Variants in INPP5K observed in about 807,000 individuals in gnomAD.
INPP5K encodes inositol polyphosphate 5-phosphatase K.
A neutral mutation model predicts 53.5 loss-of-function variants in INPP5K; 35 were observed. The ratio of observed to expected loss-of-function variants is 0.65; its 90% CI spans 0.50 to 0.87. The LOEUF is 0.87. Ranked by LOEUF, INPP5K falls within the 40% of genes least tolerant of loss-of-function variation. The pLI is 0.00. For synonymous variants in INPP5K, 253 were observed against 232.8 expected (o/e 1.09, Z -0.79); for missense variants, 550 against 586.2 (o/e 0.94, Z 0.64).
intron 7 of INPP5K, among the ~76,000 whole-genome samples, chr17:1,498,928 T>A (rs1310037062): frequency 6.6e-6 from 1 of 152,170 alleles, no homozygotes; most frequent in African/African-American, 2.4e-5. Flanking sequence ...GTGGAGAAAC[T>A]GAGACTTAGC....
intron 7 of INPP5K, among the ~76,000 whole-genome samples, chr17:1,506,064 C>T (rs576444384): frequency 1.3e-5 from 2 of 152,310 alleles, no homozygotes; most frequent in South Asian, 4.1e-4. Flanking sequence ...CGCTCTGTCA[C>T]CCAGGCTGGA....
chr17:1,507,131 C>T (rs898013325), intron 6 of INPP5K, 42 bp from the exon 7 acceptor site: 9 of 1,444,442 alleles, frequency 6.2e-6, no homozygotes, highest in Admixed American at 5.1e-5. Context: ...GTAGTCTCGA[C>T]CCAGTGGCCC....
chr17:1,502,325 G>A (rs1009219658), intron 7 of INPP5K, among the ~76,000 whole-genome samples: 2 of 152,084 alleles, frequency 1.3e-5, no homozygotes, highest in Non-Finnish European at 1.5e-5. Context: ...CTCCAGCCTG[G>A]GCGACAGAGC....
chr17:1,516,340 C>A, intron 1 of INPP5K, 116 bp downstream of exon 1: 4 of 1,167,470 alleles, frequency 3.4e-6, no homozygotes, highest in Non-Finnish European at 3.6e-6. Flanking sequence ...AAGGCGAGAG[C>A]GCCTCTGAAC....
chr17:1,508,365 G>C (rs551449872), intron 5 of INPP5K, 139 bp from the exon 6 acceptor site: 1 of 699,908 alleles, frequency 1.4e-6, no homozygotes, highest in Admixed American at 2.1e-5. Flanking sequence ...CAGGGCACGC[G>C]TGGGTCCTCT....
At position 1,513,975 on chromosome 17, in the gene INPP5K, G is replaced by C; in HGVS notation, c.49C>G (p.His17Asp). 2 of 1,607,998 alleles carry C rather than the reference G, an allele frequency of 1.2e-6. No individual in the cohort carries two copies. Among genetic ancestry groups the C allele is most frequent in the Non-Finnish European group, 1.7e-6 (2 of 1,175,538 alleles). The change falls in exon 2 of 12, where the codon CAC (histidine) becomes GAC (aspartate). Residue 17 changes from histidine to aspartate, a missense_variant. Physicochemically the swap from His to Asp is moderately conservative, Grantham distance 81. Transcript: ENST00000421807. ...SGPKGRRLSIHVVTWNVASAA... is the reference protein window; with the variant it reads ...SGPKGRRLSIDVVTWNVASAA... Reference sequence around the variant, plus strand: ...GAAGCCACGTTCCAAGTCACGACGTGTATGCTGCGGAAGGGATGCAGAGGG... The same window carrying C: ...GAAGCCACGTTCCAAGTCACGACGTCTATGCTGCGGAAGGGATGCAGAGGG...
chr17:1,496,606 C>G (rs1378551745), intron 9 of INPP5K, 60 bp downstream of exon 9: 4 of 1,601,876 alleles, frequency 2.5e-6, no homozygotes. Context: ...CCCAGGAGCC[C>G]TCGGGAAGGA....
chr17:1,513,922 GT>G lies in INPP5K; in HGVS notation c.101del (p.Asp34AlafsTer5). 6.2e-7 allele frequency: 1 copy of G among 1,613,626 alleles called. No individual in the cohort carries two copies. Among genetic ancestry groups the G allele is most frequent in the South Asian group, 1.1e-5 (1 of 90,986 alleles). Reference sequence around the variant, plus strand: ...GGTTCCGGTTGTTCAGCTGAAGCAGGTCACTGAGATCTAGAGGGGGCGCTGC... The same window carrying G: ...GGTTCCGGTTGTTCAGCTGAAGCAGGCACTGAGATCTAGAGGGGGCGCTGC... ...ASAAPPLDLSDLLQLNNRNLN... is the reference protein window; with the variant it reads ...ASAAPPLDLSXLLQLNNRNLN... On this transcript the variant is annotated frameshift_variant, in exon 2 of 12. Coordinates refer to ENST00000421807, the MANE Select transcript of INPP5K (RefSeq NM_016532.4). LOFTEE classifies it high-confidence loss of function.
Position 1,496,762 on chromosome 17 carries a change from G to A in INPP5K, c.1005C>T (p.Pro335=), listed in dbSNP as rs781075480. The A allele has an allele frequency of 5.6e-6, 9 of 1,614,038 alleles. No homozygotes were observed. The East Asian group carries it at 6.7e-5, about 12-fold the overall frequency. Residue 335 remains proline (P), a synonymous_variant, in exon 9 of 12, where the codon CCC becomes CCT. Transcript: ENST00000421807. ...CATTTTCCACGGTCCACAGGTCCTCGGGCATCAGGACGATCAGCGGAGCAG... is the reference window on the plus strand; with the variant it reads ...CATTTTCCACGGTCCACAGGTCCTCAGGCATCAGGACGATCAGCGGAGCAG... ...LVSAPLIVLM[P]EDLWTVENDM...
At chr17:1,496,932 C>T in intron 8 of INPP5K, 129 bp from the exon 9 acceptor site, 1 of 854,090 alleles carries the variant, frequency 1.2e-6, no homozygotes, top group Non-Finnish European at 1.8e-6. Context: ...GGGCATGGAA[C>T]TCCACTGGGC....
At chr17:1,502,661 G>A (rs1366616973) in intron 7 of INPP5K, among the ~76,000 whole-genome samples, 1 of 152,150 alleles carries the variant, frequency 6.6e-6, no homozygotes, top group Non-Finnish European at 1.5e-5. Flanking sequence ...TCCTTGAGGA[G>A]CCTGTTTAGC....
chr17:1,515,889 CT>C, intron 1 of INPP5K: 1 of 985,692 alleles, frequency 1.0e-6, no homozygotes, highest in African/African-American at 1.7e-5. Flanking sequence ...CAGACTCACT[CT>C]AAGAGGATGG....
At chr17:1,509,552 G>C in intron 4 of INPP5K, 131 bp downstream of exon 4, 1 of 870,426 alleles carries the variant, frequency 1.1e-6, no homozygotes, top group East Asian at 2.4e-5. Context: ...AGCCCACTCT[G>C]AGGCAAAAGA....
At chr17:1,515,484 C>T in intron 1 of INPP5K, 4 of 985,544 alleles carry the variant, frequency 4.1e-6, no homozygotes, top group Non-Finnish European at 4.8e-6. Context: ...TCAGACTGTG[C>T]GGAGCACAGA....
At chr17:1,506,594 T>C (rs1168724550) in intron 7 of INPP5K, among the ~76,000 whole-genome samples, 1 of 152,186 alleles carries the variant, frequency 6.6e-6, no homozygotes, top group Non-Finnish European at 1.5e-5. Context: ...GGGGCAGGCG[T>C]CCTTAATACC....
intron 2 of INPP5K, 84 bp downstream of exon 2, chr17:1,513,788 A>G: frequency 9.0e-7 from 1 of 1,107,132 alleles, no homozygotes; most frequent in Non-Finnish European, 1.3e-6. Flanking sequence ...CAGACTCCAG[A>G]GCGGAGGAGG....
At chr17:1,501,404 G>C (rs537518345) in intron 7 of INPP5K, among the ~76,000 whole-genome samples, 8 of 152,232 alleles carry the variant, frequency 5.3e-5, no homozygotes, top group African/African-American at 1.9e-4. Flanking sequence ...GGAAGGGTCC[G>C]TCCTGTTAAT....
rs1436518682 is a variant in INPP5K, at chr17:1,496,415, G to A, written c.1102-13C>T. ...CCCGCAGCCCCACCTGTGAGGGGGA[G>A]TCAGGCCATCAGTGGTCAGGGAGGA... On this transcript the variant is annotated splice_polypyrimidine_tract_variant and intron_variant, in intron 9 of 11. Transcript: ENST00000421807. 2 of 1,554,360 alleles carry A rather than the reference G, an allele frequency of 1.3e-6. No individual in the cohort carries two copies.
At position 1,496,078 on chromosome 17, in the gene INPP5K, C is replaced by T. The variant is rs1294254133; in HGVS notation, c.1272G>A (p.Gly424=). The T allele has an allele frequency of 1.1e-5, 17 of 1,610,622 alleles. No homozygotes were observed. The highest frequency in any genetic ancestry group is 1.4e-5 in the Non-Finnish European group (17 of 1,176,818). ...TGCTTACCTGGAAGGGTCTGCTTATCCCCACCACAGAACGCAGACTGTTGC... is the reference window on the plus strand; with the variant it reads ...TGCTTACCTGGAAGGGTCTGCTTATTCCCACCACAGAACGCAGACTGTTGC... The part of the protein sequence containing the change: ...YYSNSLRSVV[G]ISRPFQIPPG... The change falls in exon 11 of 12, where the codon GGG becomes GGA. Residue 424 remains glycine (G), a synonymous_variant. Transcript: ENST00000421807.
Sources: allele counts gnomAD v4.1 joint callset (sites outside exome capture counted in the v4.1 genomes callset), GRCh38; gene constraint gnomAD v4.1.1; transcripts MANE v1.5; gene names NCBI Gene and HGNC (gene_info 2026-07-23, HGNC 2026-07-21).